Variants in FANCB observed in about 807,000 individuals in gnomAD.
FANCB encodes the protein Fanconi anemia group B protein.
Under a neutral mutation model 38.9 loss-of-function variants are expected in FANCB, and 5 were observed. That is an observed-to-expected ratio of 0.13 (90% CI 0.07 to 0.27). The LOEUF (loss-of-function observed/expected upper bound fraction) is 0.27. FANCB is among the 10% of genes least tolerant of loss of function. The pLI, the probability that FANCB is intolerant of heterozygous loss-of-function variation, is 1.00. For missense variants in FANCB, 573 were observed against 602.7 expected, an observed-to-expected ratio of 0.95 and a Z score of 0.52; for synonymous variants, 236 against 215.4, an observed-to-expected ratio of 1.10 and a Z score of -0.84.
the FANCB span, among the ~76,000 whole-genome samples, chrX:14,704,193 T>C: frequency 8.9e-6 from 1 of 112,402 alleles, no homozygotes; most frequent in Non-Finnish European, 1.9e-5. Flanking sequence ...AAAATATTTC[T>C]GTGCTGCTGA....
At chrX:14,715,185 T>C in the FANCB span, among the ~76,000 whole-genome samples, 2 of 112,290 alleles carry the variant, frequency 1.8e-5, no homozygotes, top group African/African-American at 3.2e-5. Flanking sequence ...TTTCACACTA[T>C]GTGGCTGCTC....
chrX:14,849,850 TG>T (rs1341076353), intron 7 of FANCB, among the ~76,000 whole-genome samples: 1 of 111,870 alleles, frequency 8.9e-6, no homozygotes, highest in African/African-American at 3.3e-5. Context: ...AGAGCTGTGC[TG>T]GCCAAGAGAG....
chrX:14,853,745 G>GA (rs1402123871), intron 5 of FANCB, among the ~76,000 whole-genome samples: 3 of 111,501 alleles, frequency 2.7e-5, no homozygotes, highest in Non-Finnish European at 5.7e-5. Flanking sequence ...GAAAACTACT[G>GA]AAAAAAATAA....
chrX:14,868,247 C>A (rs2147456253), intron 2 of FANCB, among the ~76,000 whole-genome samples: 1 of 111,873 alleles, frequency 8.9e-6, no homozygotes, highest in South Asian at 3.7e-4. Flanking sequence ...AAAGAGATGT[C>A]TGCACCCCCA....
the FANCB span, among the ~76,000 whole-genome samples, chrX:14,825,464 GC>G: frequency 9.0e-6 from 1 of 111,210 alleles, no homozygotes; most frequent in East Asian, 2.8e-4. Context: ...TCTGCTATGT[GC>G]CCTCTCCAGC....
At chrX:14,841,066 C>T (rs779373434), downstream of FANCB, among the ~76,000 whole-genome samples, 18 of 112,159 alleles carry the variant, frequency 1.6e-4, no homozygotes, top group Non-Finnish European at 1.9e-4. Context: ...GGCAGTAAAG[C>T]AATGCAAGTA....
chrX:14,775,617 G>C, the FANCB span, among the ~76,000 whole-genome samples: 2 of 111,685 alleles, frequency 1.8e-5, no homozygotes, highest in Admixed American at 1.9e-4. Context: ...CTCTCTGTGG[G>C]CTCAGTGCCA....
At chrX:14,718,655 C>A in the FANCB span, among the ~76,000 whole-genome samples, 6 of 111,747 alleles carry the variant, frequency 5.4e-5, no homozygotes, top group Non-Finnish European at 1.1e-4. Context: ...TGTCTGGTGC[C>A]TAGGCTAGGA....
chrX:14,773,161 TC>T, the FANCB span, among the ~76,000 whole-genome samples: 1 of 112,415 alleles, frequency 8.9e-6, no homozygotes, highest in Non-Finnish European at 1.9e-5. Flanking sequence ...AATCTATTTT[TC>T]TTTAATTTAG....
At chrX:14,806,810 T>TA in the FANCB span, among the ~76,000 whole-genome samples, 1 of 111,985 alleles carries the variant, frequency 8.9e-6, no homozygotes, top group African/African-American at 3.3e-5. Flanking sequence ...AAATATAAAT[T>TA]AAAATGGATA....
the FANCB span, among the ~76,000 whole-genome samples, chrX:14,781,293 G>A: frequency 1.8e-5 from 2 of 109,749 alleles, no homozygotes; most frequent in Non-Finnish European, 3.8e-5. Context: ...AGCCAAGTGT[G>A]GTGGTGGATG....
At chrX:14,807,256 C>T in the FANCB span, among the ~76,000 whole-genome samples, 1 of 112,438 alleles carries the variant, frequency 8.9e-6, no homozygotes. Context: ...CTTTCACACA[C>T]AGCCCCAACA....
chrX:14,704,597 A>C, the FANCB span, among the ~76,000 whole-genome samples: 1 of 111,968 alleles, frequency 8.9e-6, no homozygotes, highest in African/African-American at 3.3e-5. Flanking sequence ...CAATATGCTT[A>C]AATGGAGTTA....
the FANCB span, among the ~76,000 whole-genome samples, chrX:14,812,835 T>A: frequency 3.6e-5 from 4 of 110,985 alleles, no homozygotes; most frequent in Non-Finnish European, 7.5e-5. Context: ...ATCATCCTGA[T>A]ACCAAAGCCG....
the FANCB span, among the ~76,000 whole-genome samples, chrX:14,797,691 A>G: frequency 5.3e-4 from 55 of 103,322 alleles, no homozygotes; most frequent in South Asian, 0.014. Context: ...AAAAAAAAAA[A>G]AGAGAGAGAG....
chrX:14,704,062 G>A, the FANCB span, among the ~76,000 whole-genome samples: 2 of 111,268 alleles, frequency 1.8e-5, no homozygotes, highest in Admixed American at 9.6e-5. Context: ...CCCCATCCTC[G>A]GCCTCCCCAC....
chrX:14,815,391 A>G, the FANCB span, among the ~76,000 whole-genome samples: 1 of 111,943 alleles, frequency 8.9e-6, no homozygotes, highest in Non-Finnish European at 1.9e-5. Flanking sequence ...AAAAGAAAAG[A>G]AAAGAAAAGC....
chrX:14,868,444 C>T (rs185494560), intron 2 of FANCB, among the ~76,000 whole-genome samples: 1 of 111,881 alleles, frequency 8.9e-6, no homozygotes, highest in East Asian at 2.8e-4. Flanking sequence ...ACTTGGAAGA[C>T]ATCATGTTAA....
At chrX:14,823,967 G>A in the FANCB span, among the ~76,000 whole-genome samples, 1 of 111,426 alleles carries the variant, frequency 9.0e-6, no homozygotes, top group Admixed American at 9.5e-5. Context: ...TGAGCCATAG[G>A]GTTTTTTGAG....
Sources: gnomAD v4.1 joint callset for allele counts (sites outside exome capture counted in the v4.1 genomes callset) on GRCh38, gnomAD v4.1.1 for gene constraint, MANE v1.5 for transcripts, NCBI Gene and HGNC (gene_info 2026-07-23, HGNC 2026-07-21) for gene names.